Variants in KDELR1 observed in about 807,000 individuals in gnomAD.
The protein encoded by KDELR1 is ER lumen protein-retaining receptor 1.
KDELR1 carries 16 observed loss-of-function variants against 25.5 expected under a neutral mutation model. That is an observed-to-expected ratio of 0.63 (90% CI 0.43 to 0.95). The LOEUF (loss-of-function observed/expected upper bound fraction) is 0.95, where lower values mean the gene tolerates loss of function less well. Among genes scored for constraint, KDELR1 ranks in the 40% least tolerant of loss-of-function variants. The probability of loss-of-function intolerance (pLI) is 0.00; values close to 1 mark genes in which losing one functional copy is unlikely to be tolerated. For missense variants in KDELR1, 159 were observed against 265.2 expected (o/e 0.60, Z 2.78); for synonymous variants, 121 against 115.0 (o/e 1.05, Z -0.33).
intron 3 of KDELR1, among the ~76,000 whole-genome samples, chr19:48,387,378 T>G (rs2147421276): frequency 6.6e-6 from 1 of 152,028 alleles, no homozygotes; most frequent in South Asian, 2.1e-4. Context: ...GCCTATACAG[T>G]GCTTTTAGAG....
At chr19:48,391,569 G>C (rs183499699), upstream of KDELR1, 47 of 566,214 alleles carry the variant, frequency 8.3e-5, no homozygotes, top group African/African-American at 6.8e-4. Context: ...AGAGCGAGAG[G>C]GGGAGGAGTC....
upstream of KDELR1, among the ~76,000 whole-genome samples, chr19:48,391,842 G>C (rs1367896614): frequency 6.6e-6 from 1 of 152,100 alleles, no homozygotes; most frequent in Admixed American, 6.5e-5. Context: ...GAAAAATCCT[G>C]CAGGGACCCG....
At chr19:48,392,933 G>A (rs112062693), upstream of KDELR1, among the ~76,000 whole-genome samples, 90 of 152,328 alleles carry the variant, frequency 5.9e-4, no homozygotes, top group African/African-American at 2.1e-3. Flanking sequence ...AACAGCCTGT[G>A]GTCTGGACTC....
chr19:48,391,787 C>G (rs1970557935), upstream of KDELR1, among the ~76,000 whole-genome samples: 1 of 152,156 alleles, frequency 6.6e-6, no homozygotes, highest in Non-Finnish European at 1.5e-5. Context: ...GTCCAGTACA[C>G]CAGCCTCAGC....
intron 1 of KDELR1, chr19:48,390,913 A>C (rs1970543303): frequency 4.5e-6 from 2 of 443,346 alleles, no homozygotes; most frequent in African/African-American, 2.0e-5. Flanking sequence ...GGATCCGGTC[A>C]CCTCCCTCCC....
At chr19:48,396,214 G>A (rs1288176577), upstream of KDELR1, among the ~76,000 whole-genome samples, 1 of 152,072 alleles carries the variant, frequency 6.6e-6, no homozygotes, top group Non-Finnish European at 1.5e-5. Context: ...GCTGGACTCT[G>A]TGATCCCTGA....
rs1970483144 is a variant in KDELR1, at chr19:48,384,864, G to C, written c.352-382C>G. On this transcript the variant is annotated intron_variant, in intron 3 of 4. Coordinates refer to ENST00000330720, the MANE Select transcript of KDELR1 (RefSeq NM_006801.3). This position sits in a 1 kb window ranked among gnomAD's most constrained non-coding sequence, Gnocchi z 4.6. ...GCAGGCTGGGTTGGAATCTTGCCTTGGAAATTTCCCTTCCTTTTTCTTTTT... is the reference window on the plus strand; with the variant it reads ...GCAGGCTGGGTTGGAATCTTGCCTTCGAAATTTCCCTTCCTTTTTCTTTTT... 6.6e-6 allele frequency among the ~76,000 whole-genome samples: 1 copy of C among 151,156 alleles called. No individual in the cohort carries two copies. The highest frequency in any genetic ancestry group is 2.0e-4 in the East Asian group (1 of 5,124).
At chr19:48,390,691 A>T in intron 1 of KDELR1, 167 bp from the exon 2 acceptor site, 1 of 577,830 alleles carries the variant, frequency 1.7e-6, no homozygotes. Context: ...TCTGGAGTGC[A>T]GCTGTCCCCG....
intron 3 of KDELR1, among the ~76,000 whole-genome samples, chr19:48,385,328 C>A (rs1409433462): frequency 6.6e-6 from 1 of 152,220 alleles, no homozygotes; most frequent in Non-Finnish European, 1.5e-5. Context: ...CCCTCCCTGG[C>A]CATCCTTCCC....
At chr19:48,394,177 C>G (rs1052899447), upstream of KDELR1, among the ~76,000 whole-genome samples, 2 of 151,854 alleles carry the variant, frequency 1.3e-5, no homozygotes, top group South Asian at 2.1e-4. The surrounding 1 kb of genome is among the most constrained non-coding windows in gnomAD (Gnocchi z 5.1). Flanking sequence ...TTAGACCCCC[C>G]ACTCTGTGTG....
rs551805172 is a variant in KDELR1, at chr19:48,389,779, G to A, written c.193-68C>T. ...TGTGCCCCAGTAGGCTCAGAGCCCG[G>A]AGTCCAGGCCCCTCCCTCAGACGCA... On this transcript the variant is annotated intron_variant, in intron 2 of 4. Transcript: ENST00000330720. 3.1e-5 allele frequency: 49 copies of A among 1,563,242 alleles called. No individual in the cohort carries two copies. In the Admixed American group the frequency reaches 8.3e-4, roughly 26 times the overall value.
chr19:48,390,918 C>A (rs1970543339), intron 1 of KDELR1: 2 of 454,042 alleles, frequency 4.4e-6, no homozygotes, highest in African/African-American at 4.0e-5. Flanking sequence ...CGGTCACCTC[C>A]CTCCCGTTCC....
upstream of KDELR1, among the ~76,000 whole-genome samples, chr19:48,392,828 T>A (rs1600961698): frequency 3.3e-5 from 5 of 152,262 alleles, no homozygotes; most frequent in East Asian, 9.7e-4. Flanking sequence ...CCCCACGCTC[T>A]ACCCCAGAGC....
rs1970484559 is a variant in KDELR1, at chr19:48,384,965, C to A, written c.352-483G>T. Among the ~76,000 whole-genome samples, 1 of 151,238 alleles carries A rather than the reference C, an allele frequency of 6.6e-6. No homozygotes were observed. Among genetic ancestry groups the A allele is most frequent in the Non-Finnish European group, 1.5e-5 (1 of 67,946 alleles). Reference sequence around the variant, plus strand: ...GCCATGGGGTGATCTCGGCTCACTGCAACCTCTGCCTCTTGGGTTCAAGCG... The same window carrying A: ...GCCATGGGGTGATCTCGGCTCACTGAAACCTCTGCCTCTTGGGTTCAAGCG... On this transcript the variant is annotated intron_variant, in intron 3 of 4. Coordinates refer to ENST00000330720, the MANE Select transcript of KDELR1 (RefSeq NM_006801.3). The surrounding 1 kb of genome is among the most constrained non-coding windows in gnomAD (Gnocchi z 4.6).
chr19:48,383,359 C>G (rs1334167253), intron 4 of KDELR1, 32 bp from the exon 5 acceptor site: 1 of 1,550,548 alleles, frequency 6.4e-7, no homozygotes, highest in Non-Finnish European at 8.7e-7. Flanking sequence ...AGGGCATTAC[C>G]GCTGGGGCCC....
upstream of KDELR1, among the ~76,000 whole-genome samples, chr19:48,395,350 G>A (rs1386948195): frequency 2.0e-5 from 3 of 151,356 alleles, no homozygotes; most frequent in Non-Finnish European, 4.4e-5. Context: ...CTATGAGTCT[G>A]CTATTAATAC....
intron 3 of KDELR1, chr19:48,387,687 GAAAAAAAA>G (rs957905797): frequency 3.4e-5 from 3 of 87,002 alleles, no homozygotes; most frequent in Middle Eastern, 6.0e-3. Flanking sequence ...TCTCAAAAAA[GAAAAAAAA>G]AAAAAAAAAA....
In KDELR1 at chr19:48,390,543, GAA is replaced by G. The variant is rs1372037566; in HGVS notation, c.92-21_92-20del. 2 of 1,527,880 alleles carry G rather than the reference GAA, an allele frequency of 1.3e-6. No homozygotes were observed. Among genetic ancestry groups the G allele is most frequent in the South Asian group, 1.1e-5 (1 of 89,184 alleles). 94.6% of individuals were successfully genotyped at this position (1,527,880 alleles called of 1,614,324 possible). ...GAAATTCCTGTGGTCCAGAGACAGA[GAA>G]AGAGAGAGAGAGAGAGACAGAGAGA... On this transcript the variant is annotated intron_variant, in intron 1 of 4. Coordinates refer to ENST00000330720, the MANE Select transcript of KDELR1 (RefSeq NM_006801.3).
At position 48,383,159 on chromosome 19, in the gene KDELR1, C is replaced by T. The variant is rs551726779; in HGVS notation, c.*134G>A. 3.5e-5 allele frequency: 32 copies of T among 919,194 alleles called. No homozygotes were observed. The highest frequency in any genetic ancestry group is 3.1e-4 in the African/African-American group (19 of 60,984). 56.9% of individuals were successfully genotyped at this position (919,194 alleles called of 1,614,324 possible). A position where few individuals can be genotyped will look rare whatever the true frequency, so the allele number is the denominator to read the frequency against. Reference sequence around the variant, plus strand: ...GATCCTCCACTGTCCCCCTGAAACCCGGCAGGAGGCGGGATGGGGAGCACA... The same window carrying T: ...GATCCTCCACTGTCCCCCTGAAACCTGGCAGGAGGCGGGATGGGGAGCACA... On this transcript the variant is annotated 3_prime_UTR_variant, in exon 5 of 5. Transcript: ENST00000330720.
Sources: gnomAD v4.1 joint callset for allele counts (sites outside exome capture counted in the v4.1 genomes callset) on GRCh38, gnomAD v4.1.1 for gene constraint, Gnocchi (gnomAD v3.1) non-coding constraint, MANE v1.5 for transcripts, NCBI Gene and HGNC (gene_info 2026-07-23, HGNC 2026-07-21) for gene names.